Variants in MGST1 observed in about 807,000 individuals in gnomAD.
The protein encoded by MGST1 is glutathione S-transferase 12.
A neutral mutation model predicts 8.9 loss-of-function variants in MGST1; 5 were observed. The observed-to-expected ratio is 0.56, with a 90% CI of 0.29 to 1.19. MGST1 has a LOEUF of 1.19. Among genes scored for constraint, MGST1 ranks in the 50% most tolerant of loss-of-function variants. MGST1 has a pLI of 0.08. For synonymous variants in MGST1, 54 were observed against 67.8 expected, an observed-to-expected ratio of 0.80 and a Z score of 1.00; for missense variants, 182 against 187.4, an observed-to-expected ratio of 0.97 and a Z score of 0.17.
chr12:16,519,764 C>A (rs1485730450), intron 4 of MGST1, among the ~76,000 whole-genome samples: 3 of 152,182 alleles, frequency 2.0e-5, no homozygotes, highest in Admixed American at 1.3e-4. Context: ...ATTCTACTAA[C>A]TGCCTGGTTT....
At position 16,363,935 on chromosome 12, in the gene MGST1, A is replaced by G; in HGVS notation, c.362A>G (p.Tyr121Cys). The change falls in exon 4 of 4, where the codon TAT becomes TGT. Residue 121 changes from tyrosine to cysteine, a missense_variant. Physicochemically the swap from Tyr to Cys is radical, Grantham distance 194. Transcript: ENST00000396210. The surrounding 1 kb of genome is among the most constrained non-coding windows in gnomAD (Gnocchi z 4.6). ...VGARIYHTIA[Y>C]LTPLPQPNRA... ...GCACGGATCTACCACACCATTGCATATTTGACACCCCTTCCCCAGCCAAAT... is the reference window on the plus strand; with the variant it reads ...GCACGGATCTACCACACCATTGCATGTTTGACACCCCTTCCCCAGCCAAAT... 1 of 1,613,886 alleles carries G rather than the reference A, an allele frequency of 6.2e-7. No homozygotes were observed. The highest frequency in any genetic ancestry group is 8.5e-7 in the Non-Finnish European group (1 of 1,179,884).
rs190202612 is a variant in MGST1, at chr12:16,445,315, G to A, written n.482+61711G>A. Among the ~76,000 whole-genome samples, 7 of 151,868 alleles carry A rather than the reference G, an allele frequency of 4.6e-5. No homozygotes were observed. The East Asian group carries it at 1.2e-3, about 25-fold the overall frequency. On this transcript the variant is annotated intron_variant and non_coding_transcript_variant, in intron 4 of 4. Coordinates refer to the MGST1 transcript ENST00000538857. ...TTTGCTTTGGTGAGATTGTACTGGC[G>A]TATCCCTTATGTTAGGCACTAGACA...
intron 4 of MGST1, among the ~76,000 whole-genome samples, chr12:16,554,445 A>T (rs962470701): frequency 6.6e-6 from 1 of 152,212 alleles, no homozygotes; most frequent in East Asian, 1.9e-4. Flanking sequence ...AGAGATTTCT[A>T]TACTATACTG....
rs777028490 is a variant in MGST1 at position 16,361,613 on chromosome 12, T to G, written c.222-2182T>G. ...CTGTCGTTGGAGAAGAGGGGAGGGT[T>G]AGGACGGAAGGGTGATAGTGCACTG... On this transcript the variant is annotated intron_variant, in intron 3 of 3. Transcript: ENST00000396210. This position sits in a 1 kb window ranked among gnomAD's most constrained non-coding sequence, Gnocchi z 4.2. Among the ~76,000 whole-genome samples, 2 of 151,978 alleles carry G rather than the reference T, an allele frequency of 1.3e-5. No individual in the cohort carries two copies. The highest frequency in any genetic ancestry group is 2.9e-5 in the Non-Finnish European group (2 of 67,996).
chr12:16,403,122 T>C (rs1940673547), intron 1 of MGST1, among the ~76,000 whole-genome samples: 1 of 152,100 alleles, frequency 6.6e-6, no homozygotes, highest in Non-Finnish European at 1.5e-5. Flanking sequence ...TACCTAAGAC[T>C]GTAAGTTTCC....
chr12:16,479,058 C>A (rs1040237522), intron 4 of MGST1, among the ~76,000 whole-genome samples: 1 of 151,886 alleles, frequency 6.6e-6, no homozygotes, highest in Non-Finnish European at 1.5e-5. Flanking sequence ...TCATACAGTA[C>A]GTGATGTGTC....
chr12:16,389,069 G>GT lies in MGST1; in HGVS notation n.778+5466dup, dbSNP rs1940528286. On this transcript the variant is annotated intron_variant and non_coding_transcript_variant, in intron 1 of 1. Coordinates refer to the MGST1 transcript ENST00000359720. The surrounding 1 kb of genome is among the most constrained non-coding windows in gnomAD (Gnocchi z 4.6). ...TTAATCTTGTAAAGTGCCACTTTGCGTATCTGAAGACAAATACAGGTGGCA... is the reference window on the plus strand; with the variant it reads ...TTAATCTTGTAAAGTGCCACTTTGCGTTATCTGAAGACAAATACAGGTGGCA... Among the ~76,000 whole-genome samples, 1 of 152,208 alleles carries GT rather than the reference G, an allele frequency of 6.6e-6. No homozygotes were observed. Among genetic ancestry groups the GT allele is most frequent in the Non-Finnish European group, 1.5e-5 (1 of 68,040 alleles).
At chr12:16,529,927 G>T (rs1331475181) in intron 4 of MGST1, among the ~76,000 whole-genome samples, 1 of 151,954 alleles carries the variant, frequency 6.6e-6, no homozygotes, top group Non-Finnish European at 1.5e-5. Flanking sequence ...AACTATCTTA[G>T]TCACCCACAC....
At position 16,490,194 on chromosome 12, in the gene MGST1, T is replaced by C. The variant is rs529068449; in HGVS notation, n.483-99334T>C. Among the ~76,000 whole-genome samples, 6 of 152,072 alleles carry C rather than the reference T, an allele frequency of 3.9e-5. No homozygotes were observed. The South Asian group carries it at 1.0e-3, about 26-fold the overall frequency. Reference sequence around the variant, plus strand: ...GAGAGGATCACTTGAGTCCAGGAGGTTGAGGCTGCAGTGAACTAGGATGAT... The same window carrying C: ...GAGAGGATCACTTGAGTCCAGGAGGCTGAGGCTGCAGTGAACTAGGATGAT... On this transcript the variant is annotated intron_variant and non_coding_transcript_variant, in intron 4 of 4. Coordinates refer to the MGST1 transcript ENST00000538857.
rs1176753356 is a variant in MGST1, at chr12:16,547,352, TTC to T, written n.483-42174_483-42173del. Among the ~76,000 whole-genome samples the T allele has an allele frequency of 1.3e-5, 2 of 152,306 alleles. No homozygotes were observed. Among genetic ancestry groups the T allele is most frequent in the Non-Finnish European group, 2.9e-5 (2 of 68,012 alleles). ...AGGGTGACTCATTAATTAATTGATGTTCTTTTTTATCATGTGCTATTGAGTTA... is the reference window on the plus strand; with the variant it reads ...AGGGTGACTCATTAATTAATTGATGTTTTTTTATCATGTGCTATTGAGTTA... On this transcript the variant is annotated intron_variant and non_coding_transcript_variant, in intron 4 of 4. Transcript: ENST00000538857. The surrounding 1 kb of genome is among the most constrained non-coding windows in gnomAD (Gnocchi z 4.6).
chr12:16,556,053 C>T (rs897272448), intron 4 of MGST1, among the ~76,000 whole-genome samples: 1 of 152,078 alleles, frequency 6.6e-6, no homozygotes, highest in Non-Finnish European at 1.5e-5. Context: ...AGAAATAAAC[C>T]AGATTTTATC....
At chr12:16,432,735 G>C (rs1226027528) in intron 1 of MGST1, among the ~76,000 whole-genome samples, 4 of 147,960 alleles carry the variant, frequency 2.7e-5, no homozygotes, top group African/African-American at 1.0e-4. Context: ...CACACACAGA[G>C]AGAGAGAATA....
At chr12:16,396,959 AT>A (rs1377889904) in intron 1 of MGST1, among the ~76,000 whole-genome samples, 1 of 151,948 alleles carries the variant, frequency 6.6e-6, no homozygotes, top group African/African-American at 2.4e-5. Flanking sequence ...GGATTAATTA[AT>A]TTTAGCCAAA....
intron 4 of MGST1, among the ~76,000 whole-genome samples, chr12:16,444,183 G>GTTTTTTTTTTTTTTTTT (rs1161206533): frequency 7.8e-6 from 1 of 128,502 alleles, no homozygotes; most frequent in Non-Finnish European, 1.7e-5. Context: ...GGCTGATTTG[G>GTTTTTTTTTTTTTTTTT]TTTTTTTTTT....
rs200344927 is a variant in MGST1 at position 16,407,698 on chromosome 12, AT to A, written n.778+24095del. ...TCATTTGTGAACTAGATAAAAAAAAATATGGTACACATACACCATGGAATAC... is the reference window on the plus strand; with the variant it reads ...TCATTTGTGAACTAGATAAAAAAAAAATGGTACACATACACCATGGAATAC... On this transcript the variant is annotated intron_variant and non_coding_transcript_variant, in intron 1 of 1. Coordinates refer to the MGST1 transcript ENST00000359720. 2.3e-3 allele frequency among the ~76,000 whole-genome samples: 345 copies of A among 152,244 alleles called. 2 individuals are homozygous for A. The highest frequency in any genetic ancestry group is 7.6e-3 in the African/African-American group (314 of 41,532).
chr12:16,565,941 C>A lies in MGST1; in HGVS notation n.483-23587C>A, dbSNP rs200346779. Among the ~76,000 whole-genome samples, 15 of 132,246 alleles carry A rather than the reference C, an allele frequency of 1.1e-4. No homozygotes were observed. In the East Asian group the frequency reaches 3.5e-3, roughly 31 times the overall value. The allele number at this position is 132,246 out of a possible 152,430, so 86.8% of individuals were successfully genotyped here. On this transcript the variant is annotated intron_variant and non_coding_transcript_variant, in intron 4 of 4. Transcript: ENST00000538857. ...TACAATAGTCAAGCTATGGAATCAACCTACATGCCCATCAATGGATGAATG... is the reference window on the plus strand; with the variant it reads ...TACAATAGTCAAGCTATGGAATCAAACTACATGCCCATCAATGGATGAATG...
At chr12:16,353,089 A>G (rs796203943) in intron 1 of MGST1, among the ~76,000 whole-genome samples, 49 of 152,022 alleles carry the variant, frequency 3.2e-4, no homozygotes, top group African/African-American at 1.1e-3. Flanking sequence ...GCTAGAGTGC[A>G]GTGGTGCCAT....
At chr12:16,364,458 A>G, downstream of MGST1, 1 of 940,814 alleles carries the variant, frequency 1.1e-6, no homozygotes, top group South Asian at 4.9e-5. The surrounding 1 kb of genome is among the most constrained non-coding windows in gnomAD (Gnocchi z 5.7). Context: ...AAAAGTTTCA[A>G]ACCTAGGGTA....
At chr12:16,462,872 A>G (rs1338920296) in intron 4 of MGST1, among the ~76,000 whole-genome samples, 4 of 152,132 alleles carry the variant, frequency 2.6e-5, no homozygotes, top group African/African-American at 9.7e-5. Context: ...ACATTTCAGG[A>G]AAGTGTGATG....
Sources: allele counts gnomAD v4.1 joint callset (sites outside exome capture counted in the v4.1 genomes callset), GRCh38; gene constraint gnomAD v4.1.1; non-coding constraint Gnocchi (gnomAD v3.1); transcripts MANE v1.5; gene names NCBI Gene and HGNC (gene_info 2026-07-23, HGNC 2026-07-21).